Variants in TRIM26 observed in about 807,000 individuals in gnomAD.
TRIM26 encodes the protein tripartite motif containing 26.
In TRIM26, 16 loss-of-function variants were observed where a neutral mutation model predicts 45.5. The observed-to-expected ratio is 0.35, with a 90% CI of 0.24 to 0.53. The LOEUF is 0.53. TRIM26 is among the 20% of genes least tolerant of loss of function. The pLI, the probability that TRIM26 is intolerant of heterozygous loss-of-function variation, is 0.92. For missense variants in TRIM26, 442 were observed against 691.1 expected (o/e 0.64, Z 4.04); for synonymous variants, 273 against 290.4 (o/e 0.94, Z 0.61).
At chr6:30,201,546 G>A (rs1777167323) in intron 2 of TRIM26, among the ~76,000 whole-genome samples, 1 of 152,166 alleles carries the variant, frequency 6.6e-6, no homozygotes, top group South Asian at 2.1e-4. Flanking sequence ...AGTAATGCTG[G>A]TAGAAATGCT....
chr6:30,200,378 G>A (rs189188358), intron 3 of TRIM26, among the ~76,000 whole-genome samples: 1 of 152,250 alleles, frequency 6.6e-6, no homozygotes, highest in Admixed American at 6.5e-5. Context: ...AGCTTCAGGA[G>A]TCTGACTGTC....
chr6:30,208,531 TTTC>T (rs869273535), intron 1 of TRIM26, among the ~76,000 whole-genome samples: 1 of 150,766 alleles, frequency 6.6e-6, no homozygotes, highest in African/African-American at 2.4e-5. Flanking sequence ...TTTTTTTTTT[TTTC>T]CATGTATTTG....
intron 1 of TRIM26, among the ~76,000 whole-genome samples, chr6:30,210,177 C>T (rs1451236956): frequency 6.6e-6 from 1 of 151,528 alleles, no homozygotes; most frequent in East Asian, 1.9e-4. Context: ...TGCACTCCAG[C>T]CTGGGTGACA....
intron 3 of TRIM26, among the ~76,000 whole-genome samples, chr6:30,199,958 C>T (rs1446571296): frequency 6.6e-6 from 1 of 151,994 alleles, no homozygotes; most frequent in African/African-American, 2.4e-5. Context: ...TTGTTTGCTC[C>T]TCAAGGTTTC....
rs932762914 is a variant in TRIM26 at position 30,190,338 on chromosome 6, A to G, written c.766-303T>C. On this transcript the variant is annotated intron_variant, in intron 6 of 9. Coordinates refer to ENST00000454678, the MANE Select transcript of TRIM26 (RefSeq NM_003449.5). The surrounding 1 kb of genome is among the most constrained non-coding windows in gnomAD (Gnocchi z 4.3). The stretch of plus-strand genomic sequence containing the variant: ...CGGATGAAGAGAGGTAAGGTAAAAC[A>G]GGAAAGGGCTTGGTGAGAACGGCAG... 7.8e-6 allele frequency: 4 copies of G among 513,408 alleles called. No individual in the cohort carries two copies. In the South Asian group the frequency reaches 9.0e-5, roughly 11 times the overall value. The allele number at this position is 513,408 out of a possible 1,614,324, so 31.8% of individuals were successfully genotyped here.
Position 30,205,898 on chromosome 6 carries a change from T to C in TRIM26, c.-375-1133A>G, listed in dbSNP as rs559848001. ...TAGACAGTGAATCCCAAATGTGGACTCTGGGGCCCAAGAAAGTAAATGGAG... is the reference window on the plus strand; with the variant it reads ...TAGACAGTGAATCCCAAATGTGGACCCTGGGGCCCAAGAAAGTAAATGGAG... On this transcript the variant is annotated intron_variant, in intron 1 of 9. Coordinates refer to ENST00000454678, the MANE Select transcript of TRIM26 (RefSeq NM_003449.5). 2.6e-5 allele frequency among the ~76,000 whole-genome samples: 4 copies of C among 152,226 alleles called. No homozygotes were observed. In the East Asian group the frequency reaches 7.7e-4, roughly 29 times the overall value.
At chr6:30,205,534 T>A (rs995945730) in intron 1 of TRIM26, among the ~76,000 whole-genome samples, 1 of 152,146 alleles carries the variant, frequency 6.6e-6, no homozygotes, top group Non-Finnish European at 1.5e-5. Context: ...ATAATCACTA[T>A]GAGCTACAAA....
intron 2 of TRIM26, among the ~76,000 whole-genome samples, chr6:30,202,260 A>T (rs1279050821): frequency 6.6e-6 from 1 of 152,212 alleles, no homozygotes; most frequent in Non-Finnish European, 1.5e-5. Context: ...TCTAAAAATT[A>T]TTGCATATGT....
Position 30,185,975 on chromosome 6 carries a change from T to C in TRIM26, c.1521A>G (p.Ser507=), listed in dbSNP as rs749354233. The C allele has an allele frequency of 1.2e-6, 2 of 1,612,810 alleles. No homozygotes were observed. The highest frequency in any genetic ancestry group is 2.2e-5 in the East Asian group (1 of 44,876). The change falls in exon 10 of 10, where the codon TCA becomes TCG. Residue 507 remains serine (S), a synonymous_variant. Transcript: ENST00000454678. This position sits in a 1 kb window ranked among gnomAD's most constrained non-coding sequence, Gnocchi z 5.7. ...GGTVTFTNAE[S]QELIYTFTAT... is the part of the protein sequence containing the mutation. ...CAGTGAAGGTGTAGATGAGTTCCTG[T>C]GACTCTGCGTTGGTGAAAGTCACGG...
chr6:30,188,735 G>T, intron 9 of TRIM26: 1 of 180,954 alleles, frequency 5.5e-6, no homozygotes, highest in Non-Finnish European at 1.2e-5. Flanking sequence ...GCGCTCCTTG[G>T]TGGTTGGTAT....
At chr6:30,191,437 A>T (rs1775828173) in intron 6 of TRIM26, among the ~76,000 whole-genome samples, 1 of 151,916 alleles carries the variant, frequency 6.6e-6, no homozygotes. Context: ...AGAGAGAGAC[A>T]AATCCCTACT....
chr6:30,196,846 C>T lies in TRIM26; in HGVS notation c.535-100G>A. On this transcript the variant is annotated intron_variant, in intron 5 of 9. Coordinates refer to ENST00000454678, the MANE Select transcript of TRIM26 (RefSeq NM_003449.5). This position sits in a 1 kb window ranked among gnomAD's most constrained non-coding sequence, Gnocchi z 4.9. ...GGCTGGCTCGTTCACCTCGCTACCC[C>T]CGTTCAGGAATTCTACAGGATCTGG... 8.7e-7 allele frequency: 1 copy of T among 1,147,426 alleles called. No homozygotes were observed. The highest frequency in any genetic ancestry group is 2.1e-5 in the Admixed American group (1 of 47,810). 71.1% of individuals were successfully genotyped at this position (1,147,426 alleles called of 1,614,324 possible).
chr6:30,195,958 C>T (rs1454255191), intron 6 of TRIM26, among the ~76,000 whole-genome samples: 16 of 152,208 alleles, frequency 1.1e-4, no homozygotes, highest in Non-Finnish European at 1.2e-4. Context: ...CTATCAAAGC[C>T]CCCTCCTCTA....
Position 30,189,901 on chromosome 6 carries a change from G to T in TRIM26, c.788+112C>A. The T allele has an allele frequency of 7.7e-7, 1 of 1,295,358 alleles. No homozygotes were observed. Among genetic ancestry groups the T allele is most frequent in the Non-Finnish European group, 1.1e-6 (1 of 897,832 alleles). 80.2% of individuals were successfully genotyped at this position (1,295,358 alleles called of 1,614,324 possible). On this transcript the variant is annotated intron_variant, in intron 7 of 9. Coordinates refer to ENST00000454678, the MANE Select transcript of TRIM26 (RefSeq NM_003449.5). This position sits in a 1 kb window ranked among gnomAD's most constrained non-coding sequence, Gnocchi z 5.0. Reference sequence around the variant, plus strand: ...AGGGCATCAGGATGAACCATGGGATGTGAGTACCTCTGGCACCATACCACT... The same window carrying T: ...AGGGCATCAGGATGAACCATGGGATTTGAGTACCTCTGGCACCATACCACT...
Position 30,209,478 on chromosome 6 carries a change from T to C in TRIM26, c.-376+3827A>G, listed in dbSNP as rs556192840. Among the ~76,000 whole-genome samples, 3 of 152,188 alleles carry C rather than the reference T, an allele frequency of 2.0e-5. No homozygotes were observed. Among genetic ancestry groups the C allele is most frequent in the African/African-American group, 7.2e-5 (3 of 41,446 alleles). On this transcript the variant is annotated intron_variant, in intron 1 of 9. Coordinates refer to ENST00000454678, the MANE Select transcript of TRIM26 (RefSeq NM_003449.5). The surrounding 1 kb of genome is among the most constrained non-coding windows in gnomAD (Gnocchi z 4.8). The stretch of plus-strand genomic sequence containing the variant: ...GTCATGAGGGTGTAACTCTCATGAA[T>C]GGATTAATGCCTTTCTTGCAAGAGT...
In TRIM26 at chr6:30,186,797, A is replaced by T; in HGVS notation, c.938-239T>A. On this transcript the variant is annotated intron_variant, in intron 9 of 9. Coordinates refer to ENST00000454678, the MANE Select transcript of TRIM26 (RefSeq NM_003449.5). The surrounding 1 kb of genome is among the most constrained non-coding windows in gnomAD (Gnocchi z 7.4). ...ACATGATATACTGAAATTTAACTTG[A>T]CTGTTTTCGCTTACGCTCTGATTCC... 1.8e-6 allele frequency: 2 copies of T among 1,107,744 alleles called. No individual in the cohort carries two copies. Among genetic ancestry groups the T allele is most frequent in the Non-Finnish European group, 2.7e-6 (2 of 743,406 alleles). The allele number at this position is 1,107,744 out of a possible 1,614,324, so 68.6% of individuals were successfully genotyped here. A position where few individuals can be genotyped will look rare whatever the true frequency, so the allele number is the denominator to read the frequency against.
Position 30,207,571 on chromosome 6 carries a change from C to T in TRIM26, c.-375-2806G>A, listed in dbSNP as rs762240056. ...TGCCCGGGTGACCAACCAGGTTAAA[C>T]CCCTCAATGGCTTTCTGGTGCTCCA... is the stretch of plus-strand genomic sequence containing the variant. On this transcript the variant is annotated intron_variant, in intron 1 of 9. Transcript: ENST00000454678. The surrounding 1 kb of genome is among the most constrained non-coding windows in gnomAD (Gnocchi z 4.9). Among the ~76,000 whole-genome samples the T allele has an allele frequency of 2.0e-5, 3 of 152,166 alleles. No homozygotes were observed. Among genetic ancestry groups the T allele is most frequent in the Non-Finnish European group, 1.5e-5 (1 of 68,030 alleles).
At position 30,186,072 on chromosome 6, in the gene TRIM26, C is replaced by T. The variant is rs751175896; in HGVS notation, c.1424G>A (p.Ser475Asn). The T allele has an allele frequency of 3.1e-6, 5 of 1,596,784 alleles. No individual in the cohort carries two copies. The highest frequency in any genetic ancestry group is 3.4e-6 in the Non-Finnish European group (4 of 1,171,866). Residue 475 changes from serine (S) to asparagine (N), a missense_variant, in exon 10 of 10, where the codon AGC becomes AAC. Physicochemically the swap from Ser to Asn is conservative, Grantham distance 46. Coordinates refer to ENST00000454678, the MANE Select transcript of TRIM26 (RefSeq NM_003449.5). This position sits in a 1 kb window ranked among gnomAD's most constrained non-coding sequence, Gnocchi z 7.4. ...TGCTGGGAAAAGCTCAGCCTCGGGGCTGGTGTTGGCCCAGATGCCGGAGGA... is the reference window on the plus strand; with the variant it reads ...TGCTGGGAAAAGCTCAGCCTCGGGGTTGGTGTTGGCCCAGATGCCGGAGGA... ...LSSSGIWANT[S>N]PEAELFPALR... is the part of the protein sequence containing the mutation.
chr6:30,198,373 C>T lies in TRIM26; in HGVS notation c.534+56G>A. On this transcript the variant is annotated intron_variant, in intron 5 of 9. Transcript: ENST00000454678. This position sits in a 1 kb window ranked among gnomAD's most constrained non-coding sequence, Gnocchi z 6.3. ...CAGCTGCCGCCTACTTGCCCAGGCT[C>T]ACCCTGCCCTACACGGGCGCACCGC... 6.3e-7 allele frequency: 1 copy of T among 1,596,774 alleles called. No individual in the cohort carries two copies. The highest frequency in any genetic ancestry group is 8.6e-7 in the Non-Finnish European group (1 of 1,167,074).
Sources: allele counts gnomAD v4.1 joint callset (sites outside exome capture counted in the v4.1 genomes callset), GRCh38; gene constraint gnomAD v4.1.1; non-coding constraint Gnocchi (gnomAD v3.1); transcripts MANE v1.5; gene names NCBI Gene and HGNC (gene_info 2026-07-23, HGNC 2026-07-21).